ABCD3: variants seen among roughly 807,000 people sequenced by gnomAD.
ABCD3 encodes the protein ATP-binding cassette sub-family D member 3.
ABCD3 carries 41 observed loss-of-function variants against 105.5 expected under a neutral mutation model. That is an observed-to-expected ratio of 0.39 (90% CI 0.30 to 0.50). The LOEUF is 0.50. ABCD3 is among the 20% of genes least tolerant of loss of function. ABCD3 has a pLI of 0.84. For missense variants in ABCD3, 622 were observed against 806.3 expected (o/e 0.77, Z 2.77); for synonymous variants, 258 against 269.0 (o/e 0.96, Z 0.40).
At chr1:94,468,686 C>T (rs2100982959) in intron 4 of ABCD3, among the ~76,000 whole-genome samples, 1 of 152,180 alleles carries the variant, frequency 6.6e-6, no homozygotes, top group Admixed American at 6.5e-5. Context: ...AGTATTTTGT[C>T]AGAAAATTCC....
intron 1 of ABCD3, among the ~76,000 whole-genome samples, chr1:94,438,983 A>G (rs1175071772): frequency 6.6e-6 from 1 of 152,122 alleles, no homozygotes; most frequent in Non-Finnish European, 1.5e-5. Context: ...ACTCTCATTT[A>G]TTCCTAGTTC....
At chr1:94,475,055 G>T in intron 5 of ABCD3, 88 bp from the exon 6 acceptor site, 1 of 863,982 alleles carries the variant, frequency 1.2e-6, no homozygotes, top group Non-Finnish European at 1.9e-6. Context: ...TGTAGGATTT[G>T]GGACACAGGA....
chr1:94,400,746 C>A, the ABCD3 span, among the ~76,000 whole-genome samples: 3 of 152,208 alleles, frequency 2.0e-5, no homozygotes, highest in Admixed American at 2.0e-4. Context: ...TGAAATACAG[C>A]ACTGATATTT....
chr1:94,464,688 T>G, intron 2 of ABCD3, 87 bp from the exon 3 acceptor site: 1 of 1,156,278 alleles, frequency 8.6e-7, no homozygotes, highest in Non-Finnish European at 1.3e-6. Context: ...GATAGCTGTT[T>G]ATGTTGACTT....
chr1:94,412,183 G>A, the ABCD3 span, among the ~76,000 whole-genome samples: 16 of 152,058 alleles, frequency 1.1e-4, no homozygotes, highest in African/African-American at 3.4e-4. Context: ...TTTTTTTGAT[G>A]TAATAGGTAA....
the ABCD3 span, among the ~76,000 whole-genome samples, chr1:94,388,062 A>G: frequency 6.6e-6 from 1 of 152,304 alleles, no homozygotes; most frequent in African/African-American, 2.4e-5. Flanking sequence ...TCAACTCTGT[A>G]TGTTTCTTAA....
chr1:94,400,987 G>C, the ABCD3 span, among the ~76,000 whole-genome samples: 12 of 152,178 alleles, frequency 7.9e-5, no homozygotes, highest in South Asian at 6.2e-4. Flanking sequence ...TGGCTAGCAC[G>C]TGAGTATGCT....
At position 94,419,353 on chromosome 1, in the gene ABCD3, G is replaced by A. The variant is rs1659163066; in HGVS notation, c.110+765G>A. On this transcript the variant is annotated intron_variant, in intron 1 of 22. Coordinates refer to ENST00000370214, the MANE Select transcript of ABCD3 (RefSeq NM_002858.4). ...GGATCAAGCTCCTTTTTAATGACAC[G>A]CCACTGCTTCCACCGCGGGAGAATT... is the stretch of plus-strand genomic sequence containing the variant. 4.1e-6 allele frequency: 4 copies of A among 985,092 alleles called. No individual in the cohort carries two copies. The Admixed American group carries it at 2.5e-4, about 61-fold the overall frequency. The allele number at this position is 985,092 out of a possible 1,614,324, so 61.0% of individuals were successfully genotyped here. A position where few individuals can be genotyped will look rare whatever the true frequency, so the allele number is the denominator to read the frequency against.
At chr1:94,443,810 G>A (rs1009137786) in intron 1 of ABCD3, among the ~76,000 whole-genome samples, 2 of 152,002 alleles carry the variant, frequency 1.3e-5, no homozygotes, top group African/African-American at 4.8e-5. Flanking sequence ...GTTATTTCAG[G>A]GTTCTGTATT....
chr1:94,502,343 TC>T (rs1274235179), intron 20 of ABCD3, among the ~76,000 whole-genome samples: 1 of 152,216 alleles, frequency 6.6e-6, no homozygotes, highest in African/African-American at 2.4e-5. Flanking sequence ...CTTCTACTTT[TC>T]AAAGAAAGAT....
chr1:94,518,031 T>G lies in ABCD3; in HGVS notation c.*902T>G, dbSNP rs1251527207. 1.3e-5 allele frequency: 2 copies of G among 151,878 alleles called. No homozygotes were observed. Among genetic ancestry groups the G allele is most frequent in the African/African-American group, 4.8e-5 (2 of 41,420 alleles). The allele number at this position is 151,878 out of a possible 1,614,324, so 9.4% of individuals were successfully genotyped here. On this transcript the variant is annotated 3_prime_UTR_variant, in exon 23 of 23. Transcript: ENST00000370214. Reference sequence around the variant, plus strand: ...GAAGGCACTACATGAAATAATGCACTGAGTATGCAATGCTATCACTGTCTT... The same window carrying G: ...GAAGGCACTACATGAAATAATGCACGGAGTATGCAATGCTATCACTGTCTT...
intron 16 of ABCD3, 91 bp from the exon 17 acceptor site, chr1:94,498,511 G>A: frequency 7.8e-7 from 1 of 1,277,726 alleles, no homozygotes; most frequent in East Asian, 2.4e-5. Context: ...TTAGCCAGGA[G>A]CTATTAATAT....
intron 2 of ABCD3, among the ~76,000 whole-genome samples, chr1:94,461,791 A>G (rs747063094): frequency 1.3e-5 from 2 of 152,160 alleles, no homozygotes; most frequent in South Asian, 2.1e-4. Context: ...GGCTAAGCAT[A>G]TGTGCAGGTA....
At chr1:94,413,684 T>G (rs977108596), upstream of ABCD3, among the ~76,000 whole-genome samples, 2 of 152,138 alleles carry the variant, frequency 1.3e-5, no homozygotes, top group Admixed American at 1.3e-4. Context: ...CCATTTCTAA[T>G]TGGTAAGAGG....
At chr1:94,440,488 GCTCCAAGCC>G (rs1427540982) in intron 1 of ABCD3, among the ~76,000 whole-genome samples, 2 of 152,184 alleles carry the variant, frequency 1.3e-5, no homozygotes, top group Non-Finnish European at 2.9e-5. Context: ...GGTCCAGGCT[GCTCCAAGCC>G]CAATAGACAT....
At chr1:94,474,716 C>A in intron 5 of ABCD3, among the ~76,000 whole-genome samples, 1 of 141,884 alleles carries the variant, frequency 7.0e-6, no homozygotes. Flanking sequence ...TGGTGTAAAA[C>A]CTGTAGTGTT....
intron 20 of ABCD3, among the ~76,000 whole-genome samples, chr1:94,503,148 A>G (rs1466703245): frequency 2.6e-5 from 4 of 152,158 alleles, no homozygotes; most frequent in Non-Finnish European, 5.9e-5. Context: ...GGCCCAGGGA[A>G]ACCAAAAAAT....
At chr1:94,486,489 A>T (rs949531154) in intron 10 of ABCD3, among the ~76,000 whole-genome samples, 14 of 152,234 alleles carry the variant, frequency 9.2e-5, no homozygotes, top group African/African-American at 3.4e-4. Context: ...TAAATGTTCC[A>T]GAGATTGTCT....
Position 94,499,506 on chromosome 1 carries a change from A to G in ABCD3, c.1632A>G (p.Glu544=), listed in dbSNP as rs147227086. 35 of 1,613,640 alleles carry G rather than the reference A, an allele frequency of 2.2e-5. No homozygotes were observed. The African/African-American group carries it at 3.7e-4, about 17-fold the overall frequency. Residue 544 remains glutamate, a synonymous_variant, in exon 20 of 23, where the codon GAA becomes GAG. Transcript: ENST00000370214. ...CATTTTGCTGAAAGGTACTGAAGGA[A>G]TACTTAGACAATGTCCAGTTGGGTC... ...RKGISDLVLK[E]YLDNVQLGHI...
Sources: gnomAD v4.1 joint callset for allele counts (sites outside exome capture counted in the v4.1 genomes callset) on GRCh38, gnomAD v4.1.1 for gene constraint, MANE v1.5 for transcripts, NCBI Gene and HGNC (gene_info 2026-07-23, HGNC 2026-07-21) for gene names.